Variants in CTNNBIP1 observed in about 807,000 individuals in gnomAD.
CTNNBIP1 encodes beta-catenin-interacting protein 1.
A neutral mutation model predicts 11.8 loss-of-function variants in CTNNBIP1; 7 were observed. That is an observed-to-expected ratio of 0.60 (90% CI 0.34 to 1.12). CTNNBIP1 has a LOEUF of 1.12. Among genes scored for constraint, CTNNBIP1 ranks in the 50% most tolerant of loss-of-function variants. The probability of loss-of-function intolerance (pLI) is 0.03; values close to 1 mark genes in which losing one functional copy is unlikely to be tolerated. For missense variants in CTNNBIP1, 101 were observed against 113.4 expected, an observed-to-expected ratio of 0.89 and a Z score of 0.50; for synonymous variants, 58 against 43.9, an observed-to-expected ratio of 1.32 and a Z score of -1.26.
intron 1 of CTNNBIP1, among the ~76,000 whole-genome samples, chr1:9,898,013 G>T (rs1311999419): frequency 6.6e-6 from 1 of 151,564 alleles, no homozygotes; most frequent in African/African-American, 2.4e-5. Flanking sequence ...CCAGCTACAG[G>T]CTGAGGCAGG....
At chr1:9,908,143 C>T (rs1052744776) in intron 1 of CTNNBIP1, among the ~76,000 whole-genome samples, 4 of 152,164 alleles carry the variant, frequency 2.6e-5, no homozygotes, top group Non-Finnish European at 5.9e-5. Flanking sequence ...ACCGCAACCT[C>T]CGCCTCCCAG....
intron 1 of CTNNBIP1, among the ~76,000 whole-genome samples, chr1:9,886,888 A>G (rs1273301841): frequency 6.6e-6 from 1 of 152,190 alleles, no homozygotes; most frequent in African/African-American, 2.4e-5. Flanking sequence ...ACAACCTCCC[A>G]GACTCTCAGG....
chr1:9,899,963 ACT>A (rs1480622790), intron 1 of CTNNBIP1, among the ~76,000 whole-genome samples: 2 of 151,638 alleles, frequency 1.3e-5, no homozygotes, highest in Admixed American at 1.3e-4. Context: ...AATCCCAGGT[ACT>A]CGGGAGGCTG....
At position 9,871,146 on chromosome 1, in the gene CTNNBIP1, G is replaced by C; in HGVS notation, c.187+41C>G. 6 of 1,446,152 alleles carry C rather than the reference G, an allele frequency of 4.1e-6. No homozygotes were observed. Among genetic ancestry groups the C allele is most frequent in the Non-Finnish European group, 5.7e-6 (6 of 1,059,434 alleles). The allele number at this position is 1,446,152 out of a possible 1,614,324, so 89.6% of individuals were successfully genotyped here. ...AGGGAACCACAAGTCGGTGCCCCTGGGACTTGTGCCACTGCCCCAGCCCCT... is the reference window on the plus strand; with the variant it reads ...AGGGAACCACAAGTCGGTGCCCCTGCGACTTGTGCCACTGCCCCAGCCCCT... On this transcript the variant is annotated intron_variant, in intron 5 of 5. Coordinates refer to ENST00000377263, the MANE Select transcript of CTNNBIP1 (RefSeq NM_020248.3). The surrounding 1 kb of genome is among the most constrained non-coding windows in gnomAD (Gnocchi z 5.2).
intron 5 of CTNNBIP1, among the ~76,000 whole-genome samples, chr1:9,864,774 C>T (rs927224954): frequency 6.6e-6 from 1 of 152,232 alleles, no homozygotes; most frequent in African/African-American, 2.4e-5. Context: ...AGAAGAGACC[C>T]GGAGCTCTCA....
At chr1:9,873,885 A>G (rs928191562) in intron 3 of CTNNBIP1, among the ~76,000 whole-genome samples, 1 of 152,086 alleles carries the variant, frequency 6.6e-6, no homozygotes, top group Non-Finnish European at 1.5e-5. Flanking sequence ...ACAGGTGCAC[A>G]TCACCACGCT....
chr1:9,856,127 G>A lies in CTNNBIP1; in HGVS notation c.188-5351C>T, dbSNP rs575321792. Among the ~76,000 whole-genome samples the A allele has an allele frequency of 6.6e-5, 10 of 151,860 alleles. No individual in the cohort carries two copies. The East Asian group carries it at 9.7e-4, about 15-fold the overall frequency. On this transcript the variant is annotated intron_variant, in intron 5 of 5. Transcript: ENST00000377263. ...CGCACCACTGCATTCTAGTCTGGGCGACAGAGTGAGACTCTGTCTCAAAAA... is the reference window on the plus strand; with the variant it reads ...CGCACCACTGCATTCTAGTCTGGGCAACAGAGTGAGACTCTGTCTCAAAAA...
chr1:9,902,098 C>T (rs113398739), intron 1 of CTNNBIP1, among the ~76,000 whole-genome samples: 11 of 152,202 alleles, frequency 7.2e-5, no homozygotes, highest in African/African-American at 2.6e-4. Flanking sequence ...GAACCCTGCC[C>T]CCACTCTAAT....
chr1:9,900,086 C>A lies in CTNNBIP1; in HGVS notation c.-144+10009G>T, dbSNP rs538611619. 9.8e-3 allele frequency among the ~76,000 whole-genome samples: 1,446 copies of A among 146,998 alleles called. 27 individuals are homozygous for A. The highest frequency in any genetic ancestry group is 0.033 in the African/African-American group (1,329 of 39,878). ...TCCGTCTCAAGAAAAAAAAAAAAAA[C>A]AATCAATAGAATGCCATTAAAATGA... On this transcript the variant is annotated intron_variant, in intron 1 of 5. Transcript: ENST00000377263.
At chr1:9,854,368 CAA>C (rs373565421) in intron 5 of CTNNBIP1, among the ~76,000 whole-genome samples, 13,777 of 83,668 alleles carry the variant, frequency 0.16, 1,792 homozygotes, top group African/African-American at 0.41. Flanking sequence ...AACTCCATCT[CAA>C]AAAAAAAAAA....
Position 9,849,365 on chromosome 1 carries a change from C to G in CTNNBIP1, c.*1353G>C, listed in dbSNP as rs2101409977. 6.6e-6 allele frequency: 1 copy of G among 152,422 alleles called. No individual in the cohort carries two copies. The highest frequency in any genetic ancestry group is 1.5e-5 in the Non-Finnish European group (1 of 68,102). The allele number at this position is 152,422 out of a possible 1,614,324, so 9.4% of individuals were successfully genotyped here. A position where few individuals can be genotyped will look rare whatever the true frequency, so the allele number is the denominator to read the frequency against. ...TCATAAACAAACGATACTGTCCCTT[C>G]CAGGCTGACCTGGAGAGAGACCCTT... On this transcript the variant is annotated 3_prime_UTR_variant, in exon 6 of 6. Coordinates refer to ENST00000377263, the MANE Select transcript of CTNNBIP1 (RefSeq NM_020248.3).
intron 1 of CTNNBIP1, among the ~76,000 whole-genome samples, chr1:9,888,153 G>A (rs1016195470): frequency 6.6e-6 from 1 of 151,948 alleles, no homozygotes. Flanking sequence ...AATATGGTCT[G>A]GGCACAGTGG....
intron 5 of CTNNBIP1, among the ~76,000 whole-genome samples, chr1:9,864,459 G>A (rs1185481845): frequency 6.6e-6 from 1 of 152,204 alleles, no homozygotes; most frequent in Non-Finnish European, 1.5e-5. Context: ...CTCCTGAGTA[G>A]CCAGGACTAC....
At position 9,849,976 on chromosome 1, in the gene CTNNBIP1, TA is replaced by T; in HGVS notation, c.*741del. ...GCAGGTGCACTCATTAAAGCAAATG[TA>T]CTCTCCAGGTGGACCCTCAGGCCCA... is the stretch of plus-strand genomic sequence containing the variant. On this transcript the variant is annotated 3_prime_UTR_variant, in exon 6 of 6. Coordinates refer to ENST00000377263, the MANE Select transcript of CTNNBIP1 (RefSeq NM_020248.3). 6.6e-6 allele frequency: 1 copy of T among 152,418 alleles called. No individual in the cohort carries two copies. The highest frequency in any genetic ancestry group is 1.9e-4 in the East Asian group (1 of 5,188). 9.4% of individuals were successfully genotyped at this position (152,418 alleles called of 1,614,324 possible). A position where few individuals can be genotyped will look rare whatever the true frequency, so the allele number is the denominator to read the frequency against.
intron 3 of CTNNBIP1, among the ~76,000 whole-genome samples, chr1:9,873,337 A>G (rs1048572346): frequency 9.2e-5 from 14 of 152,108 alleles, no homozygotes; most frequent in Non-Finnish European, 1.9e-4. Context: ...GGCCTAAGTG[A>G]TAACTGGGAG....
At chr1:9,899,763 A>AAAAGAAAG (rs58501900) in intron 1 of CTNNBIP1, among the ~76,000 whole-genome samples, 18 of 150,470 alleles carry the variant, frequency 1.2e-4, no homozygotes, top group African/African-American at 3.7e-4. Flanking sequence ...GTCTCAAAAA[A>AAAAGAAAG]AAAGAAAGAA....
intron 2 of CTNNBIP1, among the ~76,000 whole-genome samples, chr1:9,878,998 C>T (rs1639028629): frequency 6.6e-6 from 1 of 152,148 alleles, no homozygotes; most frequent in South Asian, 2.1e-4. Flanking sequence ...GCGTTCGAGA[C>T]CAGCCTGGCC....
chr1:9,906,657 A>T (rs1438353702), intron 1 of CTNNBIP1, among the ~76,000 whole-genome samples: 1 of 152,184 alleles, frequency 6.6e-6, no homozygotes, highest in Non-Finnish European at 1.5e-5. Context: ...ACAGGCAAGG[A>T]TGGAGAGAGC....
At chr1:9,902,492 T>C (rs1286846212) in intron 1 of CTNNBIP1, among the ~76,000 whole-genome samples, 2 of 152,284 alleles carry the variant, frequency 1.3e-5, no homozygotes, top group South Asian at 2.1e-4. Flanking sequence ...AAGATGTCCA[T>C]ACCAAGTACA....
Sources: gnomAD v4.1 joint callset for allele counts (sites outside exome capture counted in the v4.1 genomes callset) on GRCh38, gnomAD v4.1.1 for gene constraint, Gnocchi (gnomAD v3.1) non-coding constraint, MANE v1.5 for transcripts, NCBI Gene and HGNC (gene_info 2026-07-23, HGNC 2026-07-21) for gene names.